SMG7: variants seen among roughly 807,000 people sequenced by gnomAD.
SMG7 encodes the protein SMG7 nonsense mediated mRNA decay factor, also known as nonsense-mediated mRNA decay factor SMG7.
A neutral mutation model predicts 148.2 loss-of-function variants in SMG7; 34 were observed. The observed-to-expected ratio is 0.23, with a 90% CI of 0.17 to 0.31. The LOEUF is 0.31. SMG7 is among the 10% of genes least tolerant of loss of function. The pLI is 1.00. For synonymous variants in SMG7, 492 were observed against 515.1 expected (o/e 0.96, Z 0.61); for missense variants, 1,114 against 1,408.4 (o/e 0.79, Z 3.35).
chr1:183,549,430 C>CT (rs1162033257), intron 19 of SMG7, 142 bp downstream of exon 19: 4 of 666,100 alleles, frequency 6.0e-6, no homozygotes, highest in South Asian at 1.9e-5. Context: ...TCCCCCTTGT[C>CT]TCTGATTGGG....
intron 10 of SMG7, among the ~76,000 whole-genome samples, chr1:183,534,782 G>T (rs1044057483): frequency 6.6e-6 from 1 of 151,822 alleles, no homozygotes; most frequent in Non-Finnish European, 1.5e-5. Flanking sequence ...CAGGAAAATC[G>T]CTTGAACCCA....
At chr1:183,494,386 CAATA>C (rs1285908945) in intron 1 of SMG7, among the ~76,000 whole-genome samples, 1 of 148,452 alleles carries the variant, frequency 6.7e-6, no homozygotes, top group Non-Finnish European at 1.5e-5. Context: ...TTTCTTAAAA[CAATA>C]AATTGACTTT....
chr1:183,516,743 A>G (rs945162455), intron 3 of SMG7, among the ~76,000 whole-genome samples: 1 of 152,212 alleles, frequency 6.6e-6, no homozygotes, highest in Admixed American at 6.5e-5. Flanking sequence ...GAAGTCGAGT[A>G]ATACAGCTAA....
intron 1 of SMG7, among the ~76,000 whole-genome samples, chr1:183,499,443 A>G (rs1659271116): frequency 6.6e-6 from 1 of 152,156 alleles, no homozygotes; most frequent in South Asian, 2.1e-4. Flanking sequence ...GACCATTCTA[A>G]TAGTGTAGTC....
intron 1 of SMG7, chr1:183,501,140 G>T (rs947726160): frequency 6.6e-6 from 1 of 152,162 alleles, no homozygotes; most frequent in Non-Finnish European, 1.5e-5. Flanking sequence ...GGATTGCTGG[G>T]AGGAGTAATA....
intron 1 of SMG7, among the ~76,000 whole-genome samples, chr1:183,477,423 TGTGCATATGTGTATATATACATATATAC>T (rs1652548304): frequency 6.6e-5 from 10 of 152,074 alleles, no homozygotes; most frequent in Non-Finnish European, 1.2e-4. Flanking sequence ...TGTGTGTATG[TGTGCATATGTGTATATATACATATATAC>T]ATGTGTGCAT....
At chr1:183,501,221 T>A (rs1234048693) in intron 1 of SMG7, 1 of 152,140 alleles carries the variant, frequency 6.6e-6, no homozygotes, top group Non-Finnish European at 1.5e-5. Flanking sequence ...CAGTCCTAAG[T>A]GCTTTACTTC....
intron 22 of SMG7, 43 bp from the exon 23 acceptor site, chr1:183,551,767 CAGACAACT>C (rs774697552): frequency 5.6e-6 from 8 of 1,417,278 alleles, no homozygotes; most frequent in Non-Finnish European, 7.6e-6. Flanking sequence ...AAATCCCTTT[CAGACAACT>C]TGGCATTTGA....
At chr1:183,534,291 T>C (rs1230701884) in intron 10 of SMG7, among the ~76,000 whole-genome samples, 2 of 152,224 alleles carry the variant, frequency 1.3e-5, no homozygotes, top group Non-Finnish European at 2.9e-5. Context: ...TTGAAAGTTA[T>C]TTTGATTCTC....
At position 183,513,433 on chromosome 1, in the gene SMG7, G is replaced by A. The variant is rs139002887; in HGVS notation, c.61+565G>A. On this transcript the variant is annotated intron_variant, in intron 2 of 22. Coordinates refer to ENST00000688051, the MANE Select transcript of SMG7 (RefSeq NM_001375584.1). ...GTCACCTAGGCTAGAATGCAGTGGC[G>A]TGATCTCGGCTCACTGTAACCTCCG... 5.8e-3 allele frequency: 865 copies of A among 150,160 alleles called. 7 individuals carry two copies. The highest frequency in any genetic ancestry group is 0.02 in the African/African-American group (783 of 40,132). The allele number at this position is 150,160 out of a possible 1,614,324, so 9.3% of individuals were successfully genotyped here.
At chr1:183,529,317 A>G (rs963950753) in intron 7 of SMG7, 81 bp from the exon 8 acceptor site, 11 of 1,485,936 alleles carry the variant, frequency 7.4e-6, no homozygotes, top group South Asian at 1.3e-5. Flanking sequence ...TGTATCAAGT[A>G]TTTAGCAAGC....
chr1:183,523,196 T>C (rs773430778), intron 4 of SMG7, among the ~76,000 whole-genome samples: 3 of 152,154 alleles, frequency 2.0e-5, no homozygotes, highest in African/African-American at 7.2e-5. Context: ...AAAGGTAATA[T>C]TCTATACCTT....
At chr1:183,486,701 A>G (rs1360905349) in intron 1 of SMG7, among the ~76,000 whole-genome samples, 1 of 151,630 alleles carries the variant, frequency 6.6e-6, no homozygotes, top group Non-Finnish European at 1.5e-5. Flanking sequence ...GAGCCACCAC[A>G]CCTGGCCTTT....
rs529148682 is a variant in SMG7, at chr1:183,537,128, C to G, written c.1164-17C>G. 6.6e-5 allele frequency: 106 copies of G among 1,597,796 alleles called. No homozygotes were observed. The South Asian group carries it at 1.1e-3, about 17-fold the overall frequency. On this transcript the variant is annotated splice_polypyrimidine_tract_variant and intron_variant, in intron 10 of 22. Coordinates refer to ENST00000688051, the MANE Select transcript of SMG7 (RefSeq NM_001375584.1). Reference sequence around the variant, plus strand: ...CTTACATAAAAATAAAGTCTGAACTCTTTCTTTAATTTACAGCATTTGGCC... The same window carrying G: ...CTTACATAAAAATAAAGTCTGAACTGTTTCTTTAATTTACAGCATTTGGCC...
Position 183,551,774 on chromosome 1 carries a change from C to T in SMG7, c.3451-44C>T. 4.1e-6 allele frequency: 6 copies of T among 1,467,992 alleles called. No individual in the cohort carries two copies. In the South Asian group the frequency reaches 8.0e-5, roughly 20 times the overall value. 90.9% of individuals were successfully genotyped at this position (1,467,992 alleles called of 1,614,324 possible). On this transcript the variant is annotated intron_variant, in intron 22 of 22. Transcript: ENST00000688051. Reference sequence around the variant, plus strand: ...GGATTGAAAAATCCCTTTCAGACAACTTGGCATTTGACCTCTGCTGACAAG... The same window carrying T: ...GGATTGAAAAATCCCTTTCAGACAATTTGGCATTTGACCTCTGCTGACAAG...
Position 183,528,672 on chromosome 1 carries a change from G to A in SMG7, c.557-220G>A, listed in dbSNP as rs574167798. ...TTATAATCTAGCCCTTGCTGAAGCCGCTCTCTACCCTAATATTGACTGTTT... is the reference window on the plus strand; with the variant it reads ...TTATAATCTAGCCCTTGCTGAAGCCACTCTCTACCCTAATATTGACTGTTT... On this transcript the variant is annotated intron_variant, in intron 6 of 22. Coordinates refer to ENST00000688051, the MANE Select transcript of SMG7 (RefSeq NM_001375584.1). Among the ~76,000 whole-genome samples, 8 of 152,230 alleles carry A rather than the reference G, an allele frequency of 5.3e-5. No homozygotes were observed. The East Asian group carries it at 7.7e-4, about 15-fold the overall frequency.
chr1:183,481,728 C>T (rs533943566), intron 1 of SMG7, among the ~76,000 whole-genome samples: 1 of 152,260 alleles, frequency 6.6e-6, no homozygotes, highest in South Asian at 2.1e-4. Flanking sequence ...GAAATGTTTT[C>T]AAGGAATTCC....
chr1:183,526,217 C>T (rs938169241), intron 4 of SMG7, among the ~76,000 whole-genome samples: 11 of 150,176 alleles, frequency 7.3e-5, no homozygotes, highest in South Asian at 2.1e-4. Context: ...GGCGTGATCT[C>T]GGCTCACTGC....
chr1:183,529,894 A>G (rs1666560351), intron 8 of SMG7, among the ~76,000 whole-genome samples: 1 of 152,134 alleles, frequency 6.6e-6, no homozygotes, highest in Admixed American at 6.6e-5. Flanking sequence ...TCTCCAAACC[A>G]AGTTCATTAT....
Sources: allele counts gnomAD v4.1 joint callset (sites outside exome capture counted in the v4.1 genomes callset), GRCh38; gene constraint gnomAD v4.1.1; transcripts MANE v1.5; gene names NCBI Gene and HGNC (gene_info 2026-07-23, HGNC 2026-07-21).